Variants in OSBPL8 observed in about 807,000 individuals in gnomAD.
OSBPL8 encodes the protein oxysterol binding protein like 8.
In OSBPL8, 59 loss-of-function variants were observed where a neutral mutation model predicts 125.5. The observed-to-expected ratio is 0.47, with a 90% CI of 0.38 to 0.58. The LOEUF (loss-of-function observed/expected upper bound fraction) is 0.58. Ranked by LOEUF, OSBPL8 falls within the 20% of genes least tolerant of loss-of-function variation. OSBPL8 has a pLI of 0.00. For synonymous variants in OSBPL8, 330 were observed against 338.9 expected (o/e 0.97, Z 0.29); for missense variants, 758 against 1,047.8 (o/e 0.72, Z 3.82).
At chr12:76,498,991 G>T (rs1330952655) in intron 1 of OSBPL8, among the ~76,000 whole-genome samples, 4 of 152,154 alleles carry the variant, frequency 2.6e-5, no homozygotes, top group African/African-American at 9.7e-5. Flanking sequence ...CTGATCCTGG[G>T]TGTTTCTGTG....
chr12:76,380,266 G>A (rs1319186030), intron 15 of OSBPL8, among the ~76,000 whole-genome samples: 1 of 152,086 alleles, frequency 6.6e-6, no homozygotes, highest in East Asian at 1.9e-4. Context: ...TATAAACATA[G>A]TCTATCTATC....
intron 1 of OSBPL8, among the ~76,000 whole-genome samples, chr12:76,556,758 G>A (rs1951113223): frequency 6.6e-6 from 1 of 152,074 alleles, no homozygotes; most frequent in Admixed American, 6.5e-5. Flanking sequence ...CTGTCTCCTG[G>A]GTTCATGCGA....
At chr12:76,389,057 T>C (rs1398407873) in intron 12 of OSBPL8, among the ~76,000 whole-genome samples, 1 of 152,226 alleles carries the variant, frequency 6.6e-6, no homozygotes, top group African/African-American at 2.4e-5. Flanking sequence ...CAAAGTTTAC[T>C]GGTTTTCCAA....
intron 15 of OSBPL8, among the ~76,000 whole-genome samples, chr12:76,380,333 C>T (rs1453563779): frequency 2.0e-5 from 3 of 151,966 alleles, no homozygotes; most frequent in Admixed American, 6.6e-5. Context: ...TCAGTATACA[C>T]GACTTACACA....
chr12:76,372,264 A>G (rs1259002383), intron 18 of OSBPL8, among the ~76,000 whole-genome samples: 2 of 151,994 alleles, frequency 1.3e-5, no homozygotes, highest in Non-Finnish European at 2.9e-5. Flanking sequence ...GGAGGGCAGT[A>G]GCACAATCAT....
rs367914667 is a variant in OSBPL8, at chr12:76,352,865, C to T, written c.*3024G>A. ...TGACAGCCAAAAAGTGTGATTCCAT[C>T]GAAAAGGCACTGTTAACAATACTCA... On this transcript the variant is annotated 3_prime_UTR_variant, in exon 24 of 24. Transcript: ENST00000261183. 2 of 152,424 alleles carry T rather than the reference C, an allele frequency of 1.3e-5. No individual in the cohort carries two copies. The highest frequency in any genetic ancestry group is 6.6e-5 in the Admixed American group (1 of 15,254). 9.4% of individuals were successfully genotyped at this position (152,424 alleles called of 1,614,324 possible).
chr12:76,414,598 CAT>C (rs1297937317), intron 4 of OSBPL8, among the ~76,000 whole-genome samples: 6 of 151,482 alleles, frequency 4.0e-5, no homozygotes, highest in Admixed American at 2.0e-4. Context: ...ACAAGAGACA[CAT>C]GTCACTAGGC....
intron 1 of OSBPL8, among the ~76,000 whole-genome samples, chr12:76,517,521 A>C (rs1453929504): frequency 6.6e-6 from 1 of 152,208 alleles, no homozygotes; most frequent in Non-Finnish European, 1.5e-5. Flanking sequence ...AACAGGCTAT[A>C]ATTTGCTAAA....
chr12:76,378,575 A>C, intron 15 of OSBPL8, 25 bp from the exon 16 acceptor site: 1 of 1,501,410 alleles, frequency 6.7e-7, no homozygotes, highest in Non-Finnish European at 9.2e-7. Context: ...TGTTTATTAA[A>C]TTTCACAAAA....
In OSBPL8 at chr12:76,515,009, CT is replaced by C. The variant is rs551690820; in HGVS notation, c.-67-27392del. 5.8e-3 allele frequency among the ~76,000 whole-genome samples: 887 copies of C among 152,290 alleles called. 9 individuals are homozygous for C. Among genetic ancestry groups the C allele is most frequent in the Non-Finnish European group, 9.3e-3 (635 of 68,016 alleles). ...TCAGCTCTGTCAGATTAATTAGGTT[CT>C]TTTTTATACCAGCAATTTTGTCCTT... On this transcript the variant is annotated intron_variant, in intron 1 of 23. Coordinates refer to ENST00000261183, the MANE Select transcript of OSBPL8 (RefSeq NM_020841.5).
chr12:76,499,350 C>CTATCATCTATCTATCT (rs71082312), intron 1 of OSBPL8, among the ~76,000 whole-genome samples: 3 of 107,480 alleles, frequency 2.8e-5, no homozygotes, highest in African/African-American at 6.9e-5. Flanking sequence ...ATCTATCTAT[C>CTATCATCTATCTATCT]ATCTATCTAT....
At chr12:76,488,830 C>T (rs936113853) in intron 1 of OSBPL8, among the ~76,000 whole-genome samples, 1 of 152,070 alleles carries the variant, frequency 6.6e-6, no homozygotes, top group Non-Finnish European at 1.5e-5. Flanking sequence ...AAAGGAAGAC[C>T]CACATATTTC....
intron 1 of OSBPL8, among the ~76,000 whole-genome samples, chr12:76,495,337 A>G (rs1002289154): frequency 6.6e-6 from 1 of 152,244 alleles, no homozygotes; most frequent in Admixed American, 6.5e-5. Flanking sequence ...ATAATAGCGC[A>G]GCATCATTTG....
chr12:76,470,210 G>A (rs1875963467), intron 2 of OSBPL8, among the ~76,000 whole-genome samples: 1 of 152,126 alleles, frequency 6.6e-6, no homozygotes, highest in Non-Finnish European at 1.5e-5. Context: ...CATGCATCTG[G>A]TGAGACTGCT....
intron 21 of OSBPL8, among the ~76,000 whole-genome samples, chr12:76,365,329 T>C (rs1332139055): frequency 6.6e-6 from 1 of 152,174 alleles, no homozygotes; most frequent in Non-Finnish European, 1.5e-5. Flanking sequence ...TTTAGCAATG[T>C]TTTATAGTTT....
intron 14 of OSBPL8, among the ~76,000 whole-genome samples, chr12:76,384,566 G>T (rs1378923798): frequency 6.6e-6 from 1 of 152,018 alleles, no homozygotes; most frequent in Non-Finnish European, 1.5e-5. Context: ...AGTCACATAG[G>T]CCCCTCTTAT....
At chr12:76,408,433 G>C (rs1304646586) in intron 5 of OSBPL8, among the ~76,000 whole-genome samples, 5 of 130,964 alleles carry the variant, frequency 3.8e-5, no homozygotes, top group Non-Finnish European at 6.2e-5. Flanking sequence ...CTGTACTCCA[G>C]TCTGGGTGAC....
intron 2 of OSBPL8, among the ~76,000 whole-genome samples, chr12:76,481,848 G>A (rs1877534270): frequency 6.6e-6 from 1 of 152,140 alleles, no homozygotes. Flanking sequence ...GCATGCACAA[G>A]CTCTAAAATG....
chr12:76,459,889 C>T lies in OSBPL8; in HGVS notation c.49G>A (p.Gly17Ser), dbSNP rs762849379. The T allele has an allele frequency of 3.1e-6, 5 of 1,613,562 alleles. No homozygotes were observed. The highest frequency in any genetic ancestry group is 1.7e-5 in the Admixed American group (1 of 59,990). ...GGCCCAAGGACATCTTTGCTATCAC[C>T]AAGAAGCTTTTAAGGCAGGGTAATT... Reference protein sequence around the residue: ...DGEPDRTSLLGDSKDVLGPST... With the variant: ...DGEPDRTSLLSDSKDVLGPST... The change falls in exon 3 of 24, where the codon GGT (glycine) becomes AGT (serine). Residue 17 changes from glycine to serine, a missense_variant. Transcript: ENST00000261183.
Sources: gnomAD v4.1 joint callset for allele counts (sites outside exome capture counted in the v4.1 genomes callset) on GRCh38, gnomAD v4.1.1 for gene constraint, MANE v1.5 for transcripts, NCBI Gene and HGNC (gene_info 2026-07-23, HGNC 2026-07-21) for gene names.